The following ACADL variants were observed in gnomAD, a reference collection of about 807,000 sequenced individuals.
ACADL encodes long-chain specific acyl-CoA dehydrogenase, mitochondrial.
ACADL carries 60 observed loss-of-function variants against 56.9 expected under a neutral mutation model. The ratio of observed to expected loss-of-function variants is 1.05; its 90% CI spans 0.86 to 1.31. The LOEUF (loss-of-function observed/expected upper bound fraction) is 1.31. ACADL is among the 50% of genes most tolerant of loss of function. The pLI is 0.00. For synonymous variants in ACADL, 158 were observed against 179.7 expected, an observed-to-expected ratio of 0.88 and a Z score of 0.97; for missense variants, 484 against 525.5, an observed-to-expected ratio of 0.92 and a Z score of 0.77.
At position 210,216,366 on chromosome 2, in the gene ACADL, T is replaced by A. The variant is rs747282926; in HGVS notation, c.517A>T (p.Thr173Ser). 30 of 1,613,676 alleles carry A rather than the reference T, an allele frequency of 1.9e-5. No homozygotes were observed. The highest frequency in any genetic ancestry group is 2.5e-5 in the Non-Finnish European group (29 of 1,179,798). ...ACTTACCTTCCAGCTCCAGGCTCTG[T>A]CATTGCTATTGCACCAATACATTTG... ...AGKCIGAIAMTEPGAGSDLQG... is the reference protein window; with the variant it reads ...AGKCIGAIAMSEPGAGSDLQG... Residue 173 changes from threonine (T) to serine (S), a missense_variant, in exon 4 of 11, where the codon ACA becomes TCA. Coordinates refer to ENST00000233710, the MANE Select transcript of ACADL (RefSeq NM_001608.4).
chr2:210,209,970 A>G (rs2125714366), intron 5 of ACADL: 1 of 464,270 alleles, frequency 2.2e-6, no homozygotes, highest in Non-Finnish European at 3.9e-6. Flanking sequence ...AAGCTAAAAC[A>G]ACCTTTGCCA....
At chr2:210,195,459 T>G (rs1688694761) in intron 8 of ACADL, 121 bp from the exon 9 acceptor site, 2 of 1,120,096 alleles carry the variant, frequency 1.8e-6, no homozygotes, top group East Asian at 4.9e-5. Flanking sequence ...GTGGAATTGT[T>G]GGTTTTTTCC....
At position 210,225,259 on chromosome 2, in the gene ACADL, G is replaced by A; in HGVS notation, c.5C>T (p.Ala2Val). The A allele has an allele frequency of 1.3e-6, 2 of 1,556,974 alleles. No homozygotes were observed. Among genetic ancestry groups the A allele is most frequent in the East Asian group, 2.4e-5 (1 of 41,576 alleles). M[A>V]ARLLRGSLRV... is the part of the protein sequence containing the mutation. The stretch of plus-strand genomic sequence containing the variant: ...TAGGGACCCTCGGAGAAGGCGTGCG[G>A]CCATGTCCGAAACACAGGGGCGGCG... Residue 2 changes from alanine to valine, a missense_variant, in exon 1 of 11, where the codon GCC (alanine) becomes GTC (valine). By Grantham distance (64) the Ala-to-Val change is moderately conservative (BLOSUM62 0). Transcript: ENST00000233710.
At chr2:210,189,313 T>C (rs1436102895) in intron 10 of ACADL, among the ~76,000 whole-genome samples, 1 of 152,150 alleles carries the variant, frequency 6.6e-6, no homozygotes. Context: ...ATAATGAGTA[T>C]GTTTCATCTG....
At chr2:210,192,224 C>T (rs67549871) in intron 10 of ACADL, among the ~76,000 whole-genome samples, 58,077 of 150,410 alleles carry the variant, frequency 0.39, 12,858 homozygotes, top group Middle Eastern at 0.56. Flanking sequence ...CAGTGGCTCA[C>T]GCCTGTAATC....
In ACADL at chr2:210,225,363, C is replaced by T. The variant is rs957196143; in HGVS notation, c.-100G>A. The T allele has an allele frequency of 7.4e-7, 1 of 1,358,806 alleles. No individual in the cohort carries two copies. Among genetic ancestry groups the T allele is most frequent in the Non-Finnish European group, 1.0e-6 (1 of 999,080 alleles). 84.2% of individuals were successfully genotyped at this position (1,358,806 alleles called of 1,614,324 possible). ...GAGGGAGGACGATCAGCTGAGGCGTCCACCTGTGGTGTCCTCCCAAAAAAG... is the reference window on the plus strand; with the variant it reads ...GAGGGAGGACGATCAGCTGAGGCGTTCACCTGTGGTGTCCTCCCAAAAAAG... On this transcript the variant is annotated 5_prime_UTR_variant, in exon 1 of 11. Coordinates refer to ENST00000233710, the MANE Select transcript of ACADL (RefSeq NM_001608.4).
intron 1 of ACADL, chr2:210,224,302 A>G: frequency 1.5e-6 from 1 of 665,916 alleles, no homozygotes; most frequent in Non-Finnish European, 1.9e-6. Flanking sequence ...TATGTATCCT[A>G]AAGAAAAGTC....
In ACADL at chr2:210,192,810, A is replaced by G. The variant is rs755402769; in HGVS notation, c.1193T>C (p.Ile398Thr). The G allele has an allele frequency of 3.7e-6, 6 of 1,612,058 alleles. No homozygotes were observed. The highest frequency in any genetic ancestry group is 4.5e-5 in the East Asian group (2 of 44,794). Residue 398 changes from isoleucine (I) to threonine (T), a missense_variant, in exon 10 of 11, where the codon ATT becomes ACT. Transcript: ENST00000233710. ...GGWGYMWEYPIAKAYVDARVQ... is the reference protein window; with the variant it reads ...GGWGYMWEYPTAKAYVDARVQ... Reference sequence around the variant, plus strand: ...ATCAGAAAACTATACTTACTTTGCAATTGGGTACTCCCACATGTATCCCCA... The same window carrying G: ...ATCAGAAAACTATACTTACTTTGCAGTTGGGTACTCCCACATGTATCCCCA...
At chr2:210,194,282 C>T (rs954105397) in intron 9 of ACADL, among the ~76,000 whole-genome samples, 1 of 152,104 alleles carries the variant, frequency 6.6e-6, no homozygotes, top group Non-Finnish European at 1.5e-5. Context: ...TATTTTTCAA[C>T]CTGGCAATTT....
intron 8 of ACADL, among the ~76,000 whole-genome samples, chr2:210,202,910 C>A (rs1297022234): frequency 6.6e-6 from 1 of 152,124 alleles, no homozygotes; most frequent in African/African-American, 2.4e-5. Flanking sequence ...TAAATAATCT[C>A]CATATCATTG....
intron 8 of ACADL, among the ~76,000 whole-genome samples, chr2:210,202,914 A>T (rs1347599422): frequency 6.6e-6 from 1 of 152,072 alleles, no homozygotes; most frequent in Non-Finnish European, 1.5e-5. Flanking sequence ...TAATCTCCAT[A>T]TCATTGTATT....
intron 10 of ACADL, among the ~76,000 whole-genome samples, chr2:210,191,889 C>G (rs1252272334): frequency 2.0e-5 from 3 of 152,000 alleles, no homozygotes; most frequent in African/African-American, 7.2e-5. Context: ...TATGGGGAGA[C>G]TTCTGAGGCA....
Position 210,214,529 on chromosome 2 carries a change from G to T in ACADL, c.536+1818C>A, listed in dbSNP as rs141660469. Reference sequence around the variant, plus strand: ...AAAGAAAAAGAAAGAAAGAAAGAAAGAAATCTGCTTATTTTCTCCATCTTC... The same window carrying T: ...AAAGAAAAAGAAAGAAAGAAAGAAATAAATCTGCTTATTTTCTCCATCTTC... On this transcript the variant is annotated intron_variant, in intron 4 of 10. Coordinates refer to ENST00000233710, the MANE Select transcript of ACADL (RefSeq NM_001608.4). Among the ~76,000 whole-genome samples the T allele has an allele frequency of 4.7e-3, 654 of 138,302 alleles. 7 individuals are homozygous for T. Among genetic ancestry groups the T allele is most frequent in the African/African-American group, 0.016 (610 of 37,304 alleles). 90.7% of individuals were successfully genotyped at this position (138,302 alleles called of 152,430 possible).
chr2:210,201,081 A>G (rs987821401), intron 8 of ACADL, among the ~76,000 whole-genome samples: 2 of 152,156 alleles, frequency 1.3e-5, no homozygotes, highest in African/African-American at 4.8e-5. Flanking sequence ...TTTCTGAATA[A>G]TGCCCACCTG....
intron 6 of ACADL, among the ~76,000 whole-genome samples, chr2:210,205,055 C>A (rs1688861198): frequency 6.6e-6 from 1 of 151,982 alleles, no homozygotes; most frequent in Admixed American, 6.6e-5. Context: ...GAGACAGAGT[C>A]TCATTCTGTT....
intron 7 of ACADL, among the ~76,000 whole-genome samples, chr2:210,203,737 A>G (rs746609069): frequency 6.6e-6 from 1 of 152,172 alleles, no homozygotes; most frequent in Non-Finnish European, 1.5e-5. Context: ...GTACAGTTGC[A>G]CAATCATAGT....
intron 1 of ACADL, among the ~76,000 whole-genome samples, chr2:210,222,378 G>A (rs768744485): frequency 1.3e-5 from 2 of 151,756 alleles, no homozygotes; most frequent in Non-Finnish European, 2.9e-5. Context: ...TGTAGTAGGC[G>A]GGGCTTGGTG....
In ACADL at chr2:210,204,679, T is replaced by C; in HGVS notation, c.772A>G (p.Thr258Ala). ...ATATCTTCAAAGAATAGTTCTGCGG[T>C]ATCCTAAGAGACCATACAAAAAATG... ...LHKMGLKAQDTAELFFEDIRL... is the reference protein window; with the variant it reads ...LHKMGLKAQDAAELFFEDIRL... Residue 258 changes from threonine to alanine, a missense_variant, in exon 7 of 11, where the codon ACC becomes GCC. Transcript: ENST00000233710. 1 of 1,603,114 alleles carries C rather than the reference T, an allele frequency of 6.2e-7. No homozygotes were observed. The highest frequency in any genetic ancestry group is 8.5e-7 in the Non-Finnish European group (1 of 1,170,262).
chr2:210,212,473 T>G (rs1203796777), intron 4 of ACADL, among the ~76,000 whole-genome samples: 1 of 151,866 alleles, frequency 6.6e-6, no homozygotes, highest in East Asian at 1.9e-4. Context: ...GATCCTCCCC[T>G]ATAACCTCTG....
Sources: gnomAD v4.1 joint callset for allele counts (sites outside exome capture counted in the v4.1 genomes callset) on GRCh38, gnomAD v4.1.1 for gene constraint, MANE v1.5 for transcripts, NCBI Gene and HGNC (gene_info 2026-07-23, HGNC 2026-07-21) for gene names.